The following MDGA2 variants were observed in gnomAD, a reference collection of about 807,000 sequenced individuals.
MDGA2 encodes MAM domain containing glycosylphosphatidylinositol anchor 2.
A neutral mutation model predicts 117.8 loss-of-function variants in MDGA2; 40 were observed. The ratio of observed to expected loss-of-function variants is 0.34; its 90% CI spans 0.26 to 0.44. The LOEUF is 0.44. MDGA2 is among the 20% of genes least tolerant of loss of function. The pLI is 1.00. For synonymous variants in MDGA2, 452 were observed against 439.0 expected (o/e 1.03, Z -0.37); for missense variants, 1,123 against 1,250.6 (o/e 0.90, Z 1.54).
intron 9 of MDGA2, among the ~76,000 whole-genome samples, chr14:46,934,569 A>G (rs1257053842): frequency 6.6e-6 from 1 of 152,132 alleles, no homozygotes; most frequent in Non-Finnish European, 1.5e-5. Flanking sequence ...CCTCAAAAAG[A>G]TCCAAATGGA....
chr14:46,855,635 A>T lies in MDGA2; in HGVS notation c.2753-481T>A, dbSNP rs1450130641. The stretch of plus-strand genomic sequence containing the variant: ...CTTTCCTGGAGCTTCAGAAGAAGTC[A>T]GCCCTGCTGACATCTTGATTTTAGG... On this transcript the variant is annotated intron_variant, in intron 14 of 16. Transcript: ENST00000399232. The surrounding 1 kb of genome is among the most constrained non-coding windows in gnomAD (Gnocchi z 4.1). Among the ~76,000 whole-genome samples, 13 of 152,172 alleles carry T rather than the reference A, an allele frequency of 8.5e-5. No individual in the cohort carries two copies. The highest frequency in any genetic ancestry group is 6.5e-4 in the Admixed American group (10 of 15,272).
chr14:47,078,727 C>G (rs1890590139), intron 6 of MDGA2, among the ~76,000 whole-genome samples: 1 of 152,086 alleles, frequency 6.6e-6, no homozygotes, highest in East Asian at 1.9e-4. Flanking sequence ...TATATAACAT[C>G]TCCATTTCTA....
At chr14:47,286,640 G>A (rs1037698309) in intron 2 of MDGA2, among the ~76,000 whole-genome samples, 1 of 151,648 alleles carries the variant, frequency 6.6e-6, no homozygotes, top group Non-Finnish European at 1.5e-5. Flanking sequence ...TCCACCGGAG[G>A]ACATTTCGGT....
chr14:47,191,271 ATTC>A (rs1885101801), intron 3 of MDGA2, among the ~76,000 whole-genome samples: 1 of 151,774 alleles, frequency 6.6e-6, no homozygotes. Flanking sequence ...GTTCTTACAT[ATTC>A]TTCTTTTATA....
intron 8 of MDGA2, among the ~76,000 whole-genome samples, chr14:47,002,555 C>T (rs1887569654): frequency 6.6e-6 from 1 of 151,894 alleles, no homozygotes; most frequent in African/African-American, 2.4e-5. Context: ...TGGCAAAACC[C>T]TGTCTCTAAT....
chr14:47,121,406 A>T (rs2139105242), intron 5 of MDGA2, among the ~76,000 whole-genome samples: 1 of 152,200 alleles, frequency 6.6e-6, no homozygotes, highest in Admixed American at 6.5e-5. Flanking sequence ...CATTAAATGG[A>T]TATACAATAT....
chr14:47,593,948 A>G (rs1763141441), intron 1 of MDGA2, among the ~76,000 whole-genome samples: 1 of 152,164 alleles, frequency 6.6e-6, no homozygotes, highest in Admixed American at 6.6e-5. Flanking sequence ...AGTTACTGCA[A>G]ATATTTCTTG....
At chr14:47,250,203 T>C (rs1887398514) in intron 2 of MDGA2, among the ~76,000 whole-genome samples, 1 of 152,238 alleles carries the variant, frequency 6.6e-6, no homozygotes, top group Non-Finnish European at 1.5e-5. Flanking sequence ...TCTATCAGAA[T>C]ACTTTACTGC....
chr14:46,947,015 G>T (rs950711012), intron 9 of MDGA2, among the ~76,000 whole-genome samples: 2 of 152,034 alleles, frequency 1.3e-5, no homozygotes, highest in African/African-American at 4.8e-5. Flanking sequence ...ACAAAAAACA[G>T]ACTTGATTAG....
At chr14:47,035,346 C>G in intron 7 of MDGA2, 42 bp from the exon 8 acceptor site, 1 of 1,497,170 alleles carries the variant, frequency 6.7e-7, no homozygotes, top group Non-Finnish European at 9.1e-7. Flanking sequence ...TTAGTATAAA[C>G]TGGTAAAGCA....
Position 47,317,838 on chromosome 14 carries a change from T to G in MDGA2, c.281-16288A>C, listed in dbSNP as rs1457411331. On this transcript the variant is annotated intron_variant, in intron 1 of 16. Transcript: ENST00000399232. ...TTTTCCACACAGACTTTGCCCTGTC[T>G]TCTAGGCCCCTGTGCCCAGCTGTCT... Among the ~76,000 whole-genome samples the G allele has an allele frequency of 3.9e-5, 6 of 152,090 alleles. No individual in the cohort carries two copies. The East Asian group carries it at 1.2e-3, about 29-fold the overall frequency.
Position 47,553,480 on chromosome 14 carries a change from A to T in MDGA2, c.280+121037T>A, listed in dbSNP as rs116698004. Among the ~76,000 whole-genome samples the T allele has an allele frequency of 7.9e-3, 1,202 of 152,274 alleles. 20 individuals are homozygous for T. The highest frequency in any genetic ancestry group is 0.028 in the African/African-American group (1,162 of 41,560). ...ATCTGAAATGAATTATATCTTTATT[A>T]TTTATTTAATGTTTAAATAGCTAAT... On this transcript the variant is annotated intron_variant, in intron 1 of 16. Transcript: ENST00000399232.
intron 3 of MDGA2, among the ~76,000 whole-genome samples, chr14:47,196,033 A>C (rs1012931753): frequency 2.0e-5 from 3 of 152,026 alleles, no homozygotes; most frequent in Non-Finnish European, 4.4e-5. Flanking sequence ...TAAATAGTAA[A>C]CTTATAAGGA....
chr14:46,910,745 A>T (rs1310285523), intron 10 of MDGA2, among the ~76,000 whole-genome samples: 1 of 152,228 alleles, frequency 6.6e-6, no homozygotes, highest in East Asian at 1.9e-4. Flanking sequence ...CTCAGCCATC[A>T]GTGCTCACCA....
chr14:47,294,262 A>AT (rs1181510846), intron 2 of MDGA2, among the ~76,000 whole-genome samples: 1 of 151,784 alleles, frequency 6.6e-6, no homozygotes, highest in Non-Finnish European at 1.5e-5. Context: ...CACCTGGCTA[A>AT]TTTTTTTATT....
intron 2 of MDGA2, among the ~76,000 whole-genome samples, chr14:47,290,475 G>A (rs1888844132): frequency 6.6e-6 from 1 of 152,014 alleles, no homozygotes; most frequent in African/African-American, 2.4e-5. Context: ...TTTTGTTATA[G>A]CAGTCCAGAC....
At chr14:46,959,269 G>A (rs796787027) in intron 8 of MDGA2, among the ~76,000 whole-genome samples, 9,917 of 142,064 alleles carry the variant, frequency 0.07, 725 homozygotes, top group African/African-American at 0.19. Context: ...GTGTGTGTGT[G>A]TGTGTGTGTG....
intron 8 of MDGA2, among the ~76,000 whole-genome samples, chr14:46,967,306 C>T (rs1305203136): frequency 1.3e-5 from 2 of 152,060 alleles, no homozygotes; most frequent in Non-Finnish European, 2.9e-5. Flanking sequence ...AGAGTGATTT[C>T]CTCTCGAGCC....
chr14:47,416,983 GA>G (rs1022140473), intron 1 of MDGA2, among the ~76,000 whole-genome samples: 1 of 152,162 alleles, frequency 6.6e-6, no homozygotes, highest in Non-Finnish European at 1.5e-5. Flanking sequence ...CATCATCTCA[GA>G]AAACATATAG....
Sources: allele counts gnomAD v4.1 joint callset (sites outside exome capture counted in the v4.1 genomes callset), GRCh38; gene constraint gnomAD v4.1.1; non-coding constraint Gnocchi (gnomAD v3.1); transcripts MANE v1.5; gene names NCBI Gene and HGNC (gene_info 2026-07-23, HGNC 2026-07-21).